GPM6B: variants seen among roughly 807,000 people sequenced by gnomAD.
The protein encoded by GPM6B is glycoprotein M6B, also known as neuronal membrane glycoprotein M6-b.
GPM6B carries 4 observed loss-of-function variants against 27.2 expected under a neutral mutation model. That is an observed-to-expected ratio of 0.15 (90% CI 0.07 to 0.34). The LOEUF (loss-of-function observed/expected upper bound fraction) is 0.34. Ranked by LOEUF, GPM6B falls within the 10% of genes least tolerant of loss-of-function variation. The pLI is 1.00. For missense variants in GPM6B, 183 were observed against 261.9 expected, an observed-to-expected ratio of 0.70 and a Z score of 2.08; for synonymous variants, 124 against 103.1, an observed-to-expected ratio of 1.20 and a Z score of -1.23.
chrX:13,861,138 A>ACAC (rs2049846722), intron 1 of GPM6B, among the ~76,000 whole-genome samples: 1 of 76,029 alleles, frequency 1.3e-5, no homozygotes, highest in East Asian at 5.1e-4. Context: ...ATATATATAT[A>ACAC]ATATACATAT....
At chrX:13,846,147 C>G (rs1360069262) in intron 1 of GPM6B, among the ~76,000 whole-genome samples, 3 of 111,199 alleles carry the variant, frequency 2.7e-5, no homozygotes, top group Non-Finnish European at 5.7e-5. Flanking sequence ...AGTTTCCCAC[C>G]TGAGTGCTGT....
At chrX:13,843,954 G>A (rs1189087463) in intron 1 of GPM6B, among the ~76,000 whole-genome samples, 1 of 110,865 alleles carries the variant, frequency 9.0e-6, no homozygotes, top group African/African-American at 3.3e-5. Flanking sequence ...TGCTATTGTT[G>A]CATCTAAGAA....
chrX:13,870,906 C>A (rs1232150212), intron 1 of GPM6B, among the ~76,000 whole-genome samples: 2 of 105,493 alleles, frequency 1.9e-5, no homozygotes, highest in African/African-American at 6.9e-5. Context: ...CCTGTCTCTA[C>A]AAAAAAAAAT....
chrX:13,824,042 C>T (rs1301639205), intron 1 of GPM6B, among the ~76,000 whole-genome samples: 1 of 111,986 alleles, frequency 8.9e-6, no homozygotes, highest in Non-Finnish European at 1.9e-5. Context: ...ATTGCTGCTC[C>T]TCTCCTCGCT....
At chrX:13,794,055 C>T (rs1389661596) in intron 2 of GPM6B, among the ~76,000 whole-genome samples, 3 of 112,257 alleles carry the variant, frequency 2.7e-5, no homozygotes, top group Non-Finnish European at 5.6e-5. Flanking sequence ...CATTCATTTA[C>T]ATATGGTCTA....
chrX:13,885,623 G>A (rs757114093), intron 1 of GPM6B, among the ~76,000 whole-genome samples: 1 of 111,729 alleles, frequency 9.0e-6, no homozygotes, highest in South Asian at 3.7e-4. Context: ...CCCAAGTGAT[G>A]GCAGGGAGGT....
At chrX:13,916,949 T>C (rs1440039367) in intron 1 of GPM6B, among the ~76,000 whole-genome samples, 1 of 111,530 alleles carries the variant, frequency 9.0e-6, no homozygotes, top group Non-Finnish European at 1.9e-5. Flanking sequence ...CAGTGGCTCA[T>C]GCCTGTAATC....
At chrX:13,861,576 T>G (rs891023338) in intron 1 of GPM6B, among the ~76,000 whole-genome samples, 1 of 112,176 alleles carries the variant, frequency 8.9e-6, no homozygotes, top group Non-Finnish European at 1.9e-5. Context: ...TCAGCAATAT[T>G]TCTTGGCAAT....
At chrX:13,861,057 T>C (rs955302104) in intron 1 of GPM6B, among the ~76,000 whole-genome samples, 1 of 107,126 alleles carries the variant, frequency 9.3e-6, no homozygotes, top group Non-Finnish European at 1.9e-5. Context: ...TATACATATA[T>C]ATACACATAC....
intron 1 of GPM6B, among the ~76,000 whole-genome samples, chrX:13,874,045 T>C (rs2050006959): frequency 8.9e-6 from 1 of 111,755 alleles, no homozygotes; most frequent in African/African-American, 3.3e-5. Flanking sequence ...AAAAGATATT[T>C]CAAATTGAGC....
chrX:13,857,162 T>C (rs780282762), intron 1 of GPM6B, among the ~76,000 whole-genome samples: 2 of 111,301 alleles, frequency 1.8e-5, no homozygotes, highest in South Asian at 3.9e-4. Flanking sequence ...TCCAGAGTAA[T>C]CTCCCCATTT....
At chrX:13,862,739 T>C (rs965587513) in intron 1 of GPM6B, among the ~76,000 whole-genome samples, 2 of 111,714 alleles carry the variant, frequency 1.8e-5, no homozygotes, top group Non-Finnish European at 3.8e-5. Flanking sequence ...CAGGCTGGAG[T>C]GCAGTGGCAC....
At chrX:13,817,125 G>A (rs1191074434), upstream of GPM6B, 12 of 958,849 alleles carry the variant, frequency 1.3e-5, no homozygotes, top group South Asian at 1.9e-4. Context: ...GCTGCCAAGG[G>A]GCAGGCAGCC....
chrX:13,907,279 T>C (rs1379537844), intron 1 of GPM6B, among the ~76,000 whole-genome samples: 13 of 112,539 alleles, frequency 1.2e-4, no homozygotes, highest in Admixed American at 1.0e-3. Context: ...GGTTTTTTGG[T>C]TGTAGAGACT....
intron 1 of GPM6B, among the ~76,000 whole-genome samples, chrX:13,927,165 T>TAA (rs11412427): frequency 0.017 from 1,784 of 102,572 alleles, 32 homozygotes; most frequent in African/African-American, 0.057. Context: ...AAATTCAACA[T>TAA]AAAAAAAAAA....
chrX:13,819,525 G>A (rs139109410), upstream of GPM6B, among the ~76,000 whole-genome samples: 705 of 112,127 alleles, frequency 6.3e-3, 11 homozygotes, highest in East Asian at 0.075. Context: ...ACAAAATACT[G>A]AACAAAACAG....
At position 13,812,253 on chromosome X, in the gene GPM6B, CCAT is replaced by C. The variant is rs751670023; in HGVS notation, c.62-4487_62-4485del. ...TATTTTTAGTAGAGACTGGGTTTCA[CCAT>C]GTTAGCCAGGATGGTCTCGATCTCT... is the stretch of plus-strand genomic sequence containing the variant. On this transcript the variant is annotated intron_variant, in intron 1 of 7. Transcript: ENST00000316715. Among the ~76,000 whole-genome samples, 724 of 109,951 alleles carry C rather than the reference CCAT, an allele frequency of 6.6e-3. 6 individuals carry two copies. The highest frequency in any genetic ancestry group is 0.022 in the African/African-American group (664 of 30,173).
At chrX:13,860,390 G>A (rs765208788) in intron 1 of GPM6B, among the ~76,000 whole-genome samples, 8 of 109,402 alleles carry the variant, frequency 7.3e-5, no homozygotes, top group Non-Finnish European at 1.9e-5. Flanking sequence ...TGGCTCCCAT[G>A]AGGAGCCCAA....
At chrX:13,831,185 C>CGT (rs2049435089) in intron 1 of GPM6B, among the ~76,000 whole-genome samples, 1 of 96,203 alleles carries the variant, frequency 1.0e-5, no homozygotes, top group Non-Finnish European at 2.1e-5. Context: ...AGTACACACA[C>CGT]ACACACACAC....
Sources: gnomAD v4.1 joint callset for allele counts (sites outside exome capture counted in the v4.1 genomes callset) on GRCh38, gnomAD v4.1.1 for gene constraint, MANE v1.5 for transcripts, NCBI Gene and HGNC (gene_info 2026-07-23, HGNC 2026-07-21) for gene names.